The following MTNAP1 variants were observed in gnomAD, a reference collection of about 807,000 sequenced individuals.
MTNAP1 encodes mitochondrial nucleoid-associated protein 1.
chr17:73,233,746 C>T, the MTNAP1 span, among the ~76,000 whole-genome samples: 2 of 152,156 alleles, frequency 1.3e-5, no homozygotes, highest in Non-Finnish European at 2.9e-5. Context: ...CGCCCTTAAT[C>T]CCAGTAATCC....
chr17:73,247,260 G>T, the MTNAP1 span: 1 of 1,614,162 alleles, frequency 6.2e-7, no homozygotes, highest in Non-Finnish European at 8.5e-7. Context: ...GCCGACCCCT[G>T]CCCTGGAAGA....
chr17:73,248,655 C>T, the MTNAP1 span: 10 of 1,041,918 alleles, frequency 9.6e-6, no homozygotes, highest in East Asian at 7.8e-5. Context: ...CTTGAGAGGA[C>T]GTATTTGAAG....
chr17:73,247,311 G>A, the MTNAP1 span: 1 of 1,614,158 alleles, frequency 6.2e-7, no homozygotes, highest in Non-Finnish European at 8.5e-7. Flanking sequence ...AGACGACTGG[G>A]GATTGCCGCT....
chr17:73,234,581 C>T, the MTNAP1 span, among the ~76,000 whole-genome samples: 1 of 151,144 alleles, frequency 6.6e-6, no homozygotes, highest in African/African-American at 2.4e-5. Context: ...GTCCCAGCTC[C>T]TCGGGATGCT....
the MTNAP1 span, among the ~76,000 whole-genome samples, chr17:73,246,273 C>G: frequency 6.6e-6 from 1 of 152,244 alleles, no homozygotes; most frequent in Admixed American, 6.5e-5. Flanking sequence ...GTGGCTCACG[C>G]CTGTAATCCC....
At chr17:73,245,297 G>GA in the MTNAP1 span, 2 of 1,460,834 alleles carry the variant, frequency 1.4e-6, no homozygotes, top group Non-Finnish European at 9.1e-7. Flanking sequence ...TTGGGACAGG[G>GA]AGAGGGGAGT....
the MTNAP1 span, chr17:73,245,826 T>C: frequency 1.5e-6 from 1 of 647,790 alleles, no homozygotes; most frequent in African/African-American, 2.0e-5. Flanking sequence ...CTTAATTGAG[T>C]ATAATAATGA....
the MTNAP1 span, chr17:73,242,422 G>A: frequency 9.7e-7 from 1 of 1,028,744 alleles, no homozygotes. Flanking sequence ...TCTTCGGGCT[G>A]TTAAGCAAGG....
the MTNAP1 span, among the ~76,000 whole-genome samples, chr17:73,237,769 G>A: frequency 6.6e-6 from 1 of 152,202 alleles, no homozygotes; most frequent in Non-Finnish European, 1.5e-5. Flanking sequence ...GCAACATCTA[G>A]GAATTTAGAG....
At chr17:73,246,651 T>A in the MTNAP1 span, among the ~76,000 whole-genome samples, 1 of 152,240 alleles carries the variant, frequency 6.6e-6, no homozygotes, top group Non-Finnish European at 1.5e-5. Flanking sequence ...ACCTTTTCTA[T>A]TCCCAATCCC....
At chr17:73,232,554 G>C in the MTNAP1 span, 1 of 429,050 alleles carries the variant, frequency 2.3e-6, no homozygotes, top group African/African-American at 2.1e-5. Context: ...TATCATACAA[G>C]TATTTGAGTT....
the MTNAP1 span, among the ~76,000 whole-genome samples, chr17:73,241,902 C>G: frequency 1.3e-5 from 2 of 152,158 alleles, no homozygotes; most frequent in South Asian, 2.1e-4. Flanking sequence ...GCACTCCAGC[C>G]TGGGCGAGAG....
the MTNAP1 span, chr17:73,232,789 G>C: frequency 1.3e-5 from 2 of 154,992 alleles, no homozygotes; most frequent in African/African-American, 4.8e-5. Flanking sequence ...TAAGTCTGGG[G>C]GAGACTCTCC....
chr17:73,237,087 A>C, the MTNAP1 span: 2 of 1,264,486 alleles, frequency 1.6e-6, no homozygotes, highest in Non-Finnish European at 2.1e-6. Context: ...TAACATTTTC[A>C]GTCATTTAGT....
the MTNAP1 span, chr17:73,242,354 G>A: frequency 3.2e-3 from 4,928 of 1,555,068 alleles, 28 homozygotes; most frequent in Admixed American, 5.2e-3. Flanking sequence ...ACAAAAAGGT[G>A]AGGCTGGAGT....
At chr17:73,234,209 TAGAAAGAATAAGAGATGTAG>T in the MTNAP1 span, among the ~76,000 whole-genome samples, 1 of 152,192 alleles carries the variant, frequency 6.6e-6, no homozygotes, top group African/African-American at 2.4e-5. Flanking sequence ...TGGAACTTTA[TAGAAAGAATAAGAGATGTAG>T]AAAGGAAATA....
chr17:73,236,955 G>T, the MTNAP1 span: 3 of 1,603,002 alleles, frequency 1.9e-6, no homozygotes, highest in Admixed American at 3.4e-5. Flanking sequence ...TGACCCAGAA[G>T]CCACAACTTA....
chr17:73,236,643 G>C, the MTNAP1 span: 14 of 1,614,044 alleles, frequency 8.7e-6, no homozygotes, highest in African/African-American at 1.1e-4. Context: ...TTCAAGAAAA[G>C]AAAGCAGAAG....
chr17:73,237,540 G>A, the MTNAP1 span, among the ~76,000 whole-genome samples: 3 of 152,290 alleles, frequency 2.0e-5, no homozygotes, highest in East Asian at 5.8e-4. Flanking sequence ...GGTTACACTA[G>A]GGCAGGCTGG....
Sources: allele counts gnomAD v4.1 joint callset (sites outside exome capture counted in the v4.1 genomes callset), GRCh38; gene constraint gnomAD v4.1.1; transcripts MANE v1.5; gene names NCBI Gene and HGNC (gene_info 2026-07-23, HGNC 2026-07-21).